POU2AF2: variants seen among roughly 807,000 people sequenced by gnomAD.
The protein encoded by POU2AF2 is POU domain class 2-associating factor 2.
the POU2AF2 span, among the ~76,000 whole-genome samples, chr11:111,263,110 T>C: frequency 6.6e-6 from 1 of 152,246 alleles, no homozygotes; most frequent in East Asian, 1.9e-4. Context: ...ATAGCCCTCA[T>C]GTTGTATGTT....
At chr11:111,278,057 T>C in the POU2AF2 span, among the ~76,000 whole-genome samples, 1 of 152,162 alleles carries the variant, frequency 6.6e-6, no homozygotes, top group East Asian at 1.9e-4. Flanking sequence ...CTTAAAAGTG[T>C]TAAAATATTA....
chr11:111,269,424 T>C, the POU2AF2 span, among the ~76,000 whole-genome samples: 1 of 152,160 alleles, frequency 6.6e-6, no homozygotes, highest in Non-Finnish European at 1.5e-5. Context: ...CCCAACCACC[T>C]GCTCCCTCAC....
the POU2AF2 span, among the ~76,000 whole-genome samples, chr11:111,264,536 GAAA>G: frequency 6.3e-5 from 4 of 63,028 alleles, no homozygotes; most frequent in East Asian, 1.0e-3. Context: ...AAGAAAGAAA[GAAA>G]GAAAGAAAGA....
chr11:111,262,209 G>A, the POU2AF2 span, among the ~76,000 whole-genome samples: 8 of 152,196 alleles, frequency 5.3e-5, no homozygotes, highest in African/African-American at 1.7e-4. Flanking sequence ...TACAAGCAAC[G>A]GATAGAAGTA....
chr11:111,264,596 GAAGA>G, the POU2AF2 span, among the ~76,000 whole-genome samples: 1 of 143,392 alleles, frequency 7.0e-6, no homozygotes, highest in African/African-American at 2.6e-5. Flanking sequence ...AAGACAGAAA[GAAGA>G]AAGAGACGAA....
At chr11:111,256,135 C>G in the POU2AF2 span, 4 of 398,734 alleles carry the variant, frequency 1.0e-5, no homozygotes, top group Non-Finnish European at 1.3e-5. Context: ...TGCAGGTTCT[C>G]TCTCCTCTCC....
the POU2AF2 span, among the ~76,000 whole-genome samples, chr11:111,246,502 G>A: frequency 6.6e-6 from 1 of 152,166 alleles, no homozygotes; most frequent in African/African-American, 2.4e-5. Flanking sequence ...CACTTTAAAT[G>A]TTAACAAATG....
chr11:111,281,398 G>T, the POU2AF2 span: 1 of 1,611,092 alleles, frequency 6.2e-7, no homozygotes. Flanking sequence ...TACCTTCCAG[G>T]GCAGCGTCAG....
the POU2AF2 span, among the ~76,000 whole-genome samples, chr11:111,263,427 C>CTTTTTTTTTT: frequency 2.1e-5 from 2 of 96,146 alleles, no homozygotes; most frequent in East Asian, 7.1e-4. Flanking sequence ...TACTGAAGTT[C>CTTTTTTTTTT]TTTTTTTTTT....
the POU2AF2 span, chr11:111,245,949 A>C: frequency 2.9e-4 from 117 of 396,982 alleles, no homozygotes; most frequent in African/African-American, 2.2e-3. Context: ...CATAAAACAA[A>C]GGTTAAGGAG....
chr11:111,284,215 G>T, the POU2AF2 span: 6 of 1,614,040 alleles, frequency 3.7e-6, no homozygotes, highest in Admixed American at 5.0e-5. Context: ...CCTCCGCAGG[G>T]CAGAGCCATG....
chr11:111,258,139 A>T, the POU2AF2 span, among the ~76,000 whole-genome samples: 1 of 152,172 alleles, frequency 6.6e-6, no homozygotes, highest in Non-Finnish European at 1.5e-5. Context: ...ATAATAATAA[A>T]AATAAAATAT....
At chr11:111,272,929 T>C in the POU2AF2 span, among the ~76,000 whole-genome samples, 2 of 152,208 alleles carry the variant, frequency 1.3e-5, no homozygotes, top group Non-Finnish European at 2.9e-5. Context: ...CCTCTCAGCC[T>C]TCAGCACCCA....
At chr11:111,260,775 T>G in the POU2AF2 span, among the ~76,000 whole-genome samples, 7 of 152,252 alleles carry the variant, frequency 4.6e-5, no homozygotes, top group Non-Finnish European at 8.8e-5. Flanking sequence ...CCACCCTGTT[T>G]GTGATAATTT....
the POU2AF2 span, among the ~76,000 whole-genome samples, chr11:111,258,846 G>A: frequency 3.9e-5 from 6 of 152,156 alleles, no homozygotes; most frequent in East Asian, 7.7e-4. Context: ...AAGTGTCTAA[G>A]CCTCACATGT....
chr11:111,278,282 A>G, the POU2AF2 span, among the ~76,000 whole-genome samples: 18 of 152,184 alleles, frequency 1.2e-4, no homozygotes, highest in Non-Finnish European at 1.5e-5. Flanking sequence ...AAATGTAGTC[A>G]CTCTGGTTCC....
chr11:111,285,593 C>A, the POU2AF2 span: 2 of 1,552,008 alleles, frequency 1.3e-6, no homozygotes, highest in Non-Finnish European at 1.7e-6. Context: ...TGGCAGCACA[C>A]AATGTATCAT....
the POU2AF2 span, among the ~76,000 whole-genome samples, chr11:111,279,658 C>T: frequency 6.6e-6 from 1 of 152,130 alleles, no homozygotes; most frequent in African/African-American, 2.4e-5. Context: ...TAGGACCCAC[C>T]CTAATTTAAT....
the POU2AF2 span, among the ~76,000 whole-genome samples, chr11:111,280,057 A>AAAAAAAAAAATATATATATATAT: frequency 1.3e-5 from 1 of 76,498 alleles, no homozygotes; most frequent in African/African-American, 5.0e-5. Context: ...AAAAAAAAAA[A>AAAAAAAAAAATATATATATATAT]ATATATATAT....
Sources: allele counts gnomAD v4.1 joint callset (sites outside exome capture counted in the v4.1 genomes callset), GRCh38; gene constraint gnomAD v4.1.1; transcripts MANE v1.5; gene names NCBI Gene and HGNC (gene_info 2026-07-23, HGNC 2026-07-21).